DIAPH3: variants seen among roughly 807,000 people sequenced by gnomAD.
DIAPH3 encodes diaphanous related formin 3.
A neutral mutation model predicts 144.3 loss-of-function variants in DIAPH3; 117 were observed. The ratio of observed to expected loss-of-function variants is 0.81; its 90% CI spans 0.70 to 0.95. The LOEUF is 0.95. Ranked by LOEUF, DIAPH3 falls within the 40% of genes least tolerant of loss-of-function variation. The pLI is 0.00. For synonymous variants in DIAPH3, 519 were observed against 488.9 expected (o/e 1.06, Z -0.81); for missense variants, 1,421 against 1,412.7 (o/e 1.01, Z -0.09).
chr13:60,096,478 T>C (rs767874511), intron 3 of DIAPH3, among the ~76,000 whole-genome samples: 3 of 152,176 alleles, frequency 2.0e-5, no homozygotes, highest in Non-Finnish European at 2.9e-5. Context: ...TAATTTTAGG[T>C]GTGATGGTTA....
chr13:59,708,525 G>T (rs2034552866), intron 27 of DIAPH3, among the ~76,000 whole-genome samples: 1 of 152,256 alleles, frequency 6.6e-6, no homozygotes. Flanking sequence ...GGACACAGTT[G>T]TCACTCTCTG....
Position 60,156,931 on chromosome 13 carries a change from ATATATATATTTTTTTT to A in DIAPH3, c.180+6640_180+6655del, listed in dbSNP as rs1406819432. Among the ~76,000 whole-genome samples, 183 of 52,498 alleles carry A rather than the reference ATATATATATTTTTTTT, an allele frequency of 3.5e-3. 6 individuals carry two copies. Among genetic ancestry groups the A allele is most frequent in the African/African-American group, 0.015 (176 of 11,780 alleles). 34.4% of individuals were successfully genotyped at this position (52,498 alleles called of 152,430 possible). On this transcript the variant is annotated intron_variant, in intron 1 of 27. Coordinates refer to ENST00000400324, the MANE Select transcript of DIAPH3 (RefSeq NM_001042517.2). ...ACCCAGATCCTTCATATATATATATATATATATATTTTTTTTTTTTTTTTTTTTGAGACAGAGGAGT... is the reference window on the plus strand; with the variant it reads ...ACCCAGATCCTTCATATATATATATATTTTTTTTTTTTGAGACAGAGGAGT...
intron 1 of DIAPH3, among the ~76,000 whole-genome samples, chr13:60,162,809 T>TCTCA (rs1555388530): frequency 0.042 from 5,114 of 122,328 alleles, 119 homozygotes; most frequent in Non-Finnish European, 0.06. Flanking sequence ...TCTCTCTCTC[T>TCTCA]CACACACACA....
Position 59,678,143 on chromosome 13 carries a change from T to C in DIAPH3, c.3320-11297A>G, listed in dbSNP as rs2032743723. ...CTCCTATTCGTATTGGATCAGGACC[T>C]ATGTGGGGGTTAGGTTCACAGTGTT... On this transcript the variant is annotated intron_variant, in intron 27 of 27. Coordinates refer to ENST00000400324, the MANE Select transcript of DIAPH3 (RefSeq NM_001042517.2). 2.0e-5 allele frequency among the ~76,000 whole-genome samples: 3 copies of C among 152,170 alleles called. 1 individual carries two copies. In the South Asian group the frequency reaches 6.2e-4, roughly 32 times the overall value.
intron 4 of DIAPH3, among the ~76,000 whole-genome samples, chr13:60,085,865 AAAGT>A (rs2057728917): frequency 6.6e-6 from 1 of 152,146 alleles, no homozygotes; most frequent in African/African-American, 2.4e-5. Context: ...AAAAATCTAA[AAAGT>A]AAGTACGAGC....
At chr13:59,703,979 T>C (rs886088012) in intron 27 of DIAPH3, among the ~76,000 whole-genome samples, 4 of 152,178 alleles carry the variant, frequency 2.6e-5, no homozygotes, top group Non-Finnish European at 5.9e-5. Flanking sequence ...CCAGGCTAAG[T>C]TGCAGTTTTA....
In DIAPH3 at chr13:59,888,215, C is replaced by T. The variant is rs114417105; in HGVS notation, c.2368-8747G>A. ...GCAGAGTCCTCATGAATGGGATTAG[C>T]ACCCTCATAAAAGAGGGTCCAGAGA... is the stretch of plus-strand genomic sequence containing the variant. On this transcript the variant is annotated intron_variant, in intron 20 of 27. Coordinates refer to ENST00000400324, the MANE Select transcript of DIAPH3 (RefSeq NM_001042517.2). Among the ~76,000 whole-genome samples the T allele has an allele frequency of 8.3e-3, 1,258 of 152,012 alleles. 20 individuals are homozygous for T. Among genetic ancestry groups the T allele is most frequent in the African/African-American group, 0.028 (1,178 of 41,464 alleles).
At chr13:60,080,583 T>TA (rs1397167496) in intron 4 of DIAPH3, among the ~76,000 whole-genome samples, 1 of 151,866 alleles carries the variant, frequency 6.6e-6, no homozygotes, top group Non-Finnish European at 1.5e-5. Context: ...AACTCAAGGG[T>TA]AAAAAAGATC....
At chr13:59,767,487 G>GTT (rs35387510) in intron 27 of DIAPH3, among the ~76,000 whole-genome samples, 2 of 146,408 alleles carry the variant, frequency 1.4e-5, no homozygotes, top group African/African-American at 5.0e-5. Flanking sequence ...CCTTTTACCA[G>GTT]TTTTTTTTTT....
intron 17 of DIAPH3, among the ~76,000 whole-genome samples, chr13:59,929,772 T>A (rs1052041520): frequency 6.6e-6 from 1 of 151,726 alleles, no homozygotes; most frequent in African/African-American, 2.4e-5. Context: ...GGTTTCACCA[T>A]GTTGACCAGG....
chr13:59,803,092 A>G (rs1045154259), intron 25 of DIAPH3, among the ~76,000 whole-genome samples: 3 of 152,196 alleles, frequency 2.0e-5, no homozygotes, highest in African/African-American at 7.2e-5. Flanking sequence ...GCTAAGGAGT[A>G]TTGAATGTTA....
chr13:59,715,764 A>G (rs947489122), intron 27 of DIAPH3, among the ~76,000 whole-genome samples: 1 of 152,216 alleles, frequency 6.6e-6, no homozygotes, highest in Non-Finnish European at 1.5e-5. Flanking sequence ...AGGGCACACA[A>G]TCTTGCTGAG....
intron 25 of DIAPH3, among the ~76,000 whole-genome samples, chr13:59,788,373 A>G (rs1375962335): frequency 6.6e-6 from 1 of 152,158 alleles, no homozygotes; most frequent in Non-Finnish European, 1.5e-5. Context: ...TAATCCTAGC[A>G]CTTTGGAAGG....
intron 17 of DIAPH3, among the ~76,000 whole-genome samples, chr13:59,928,906 C>T (rs181575482): frequency 1.3e-5 from 2 of 152,210 alleles, no homozygotes; most frequent in African/African-American, 2.4e-5. Flanking sequence ...AGTCAGGTGG[C>T]ACATGTGATC....
At chr13:60,093,606 T>A in intron 4 of DIAPH3, 22 bp downstream of exon 4, 1 of 1,481,724 alleles carries the variant, frequency 6.7e-7, no homozygotes, top group East Asian at 2.3e-5. Flanking sequence ...GCAGTATTTT[T>A]CAACTTGACA....
intron 4 of DIAPH3, among the ~76,000 whole-genome samples, chr13:60,087,011 C>A (rs2057768829): frequency 6.6e-6 from 1 of 152,164 alleles, no homozygotes; most frequent in Non-Finnish European, 1.5e-5. Context: ...TTGCATATAA[C>A]ATTCACATCC....
chr13:59,989,598 T>C (rs1354350023), intron 12 of DIAPH3, among the ~76,000 whole-genome samples: 2 of 151,896 alleles, frequency 1.3e-5, no homozygotes, highest in African/African-American at 4.8e-5. Flanking sequence ...TAAAAGTTCA[T>C]ACTCAAAAGA....
intron 16 of DIAPH3, 117 bp downstream of exon 16, chr13:59,970,735 A>T: frequency 1.1e-6 from 1 of 902,350 alleles, no homozygotes; most frequent in Non-Finnish European, 1.6e-6. Context: ...GAAATTATGT[A>T]TATATAAATT....
intron 25 of DIAPH3, among the ~76,000 whole-genome samples, chr13:59,791,982 C>T (rs988123719): frequency 6.6e-6 from 1 of 152,204 alleles, no homozygotes; most frequent in African/African-American, 2.4e-5. Flanking sequence ...CCACCATCAC[C>T]ATCATTCTTA....
Sources: allele counts gnomAD v4.1 joint callset (sites outside exome capture counted in the v4.1 genomes callset), GRCh38; gene constraint gnomAD v4.1.1; transcripts MANE v1.5; gene names NCBI Gene and HGNC (gene_info 2026-07-23, HGNC 2026-07-21).